Variants in OPCML observed in about 807,000 individuals in gnomAD.
OPCML encodes the protein opioid-binding protein/cell adhesion molecule.
OPCML carries 13 observed loss-of-function variants against 37.8 expected under a neutral mutation model. The observed-to-expected ratio is 0.34, with a 90% CI of 0.22 to 0.55. OPCML has a LOEUF of 0.55. OPCML is among the 20% of genes least tolerant of loss of function. The probability of loss-of-function intolerance (pLI) is 0.91; values close to 1 mark genes in which losing one functional copy is unlikely to be tolerated. For synonymous variants in OPCML, 176 were observed against 168.8 expected (o/e 1.04, Z -0.33); for missense variants, 341 against 435.6 (o/e 0.78, Z 1.93).
chr11:132,961,168 G>T (rs772314746), intron 1 of OPCML, among the ~76,000 whole-genome samples: 7 of 152,180 alleles, frequency 4.6e-5, no homozygotes, highest in Non-Finnish European at 2.9e-5. Context: ...AGTTTTCCTG[G>T]AGATATAGAC....
rs1248954507 is a variant in OPCML, at chr11:133,522,885, G to A, written c.61+9379C>T. ...AATAAATTACTGCAATTTAAAAAATGTTTGTAGGGAGCCAGCCATAGATGC... is the reference window on the plus strand; with the variant it reads ...AATAAATTACTGCAATTTAAAAAATATTTGTAGGGAGCCAGCCATAGATGC... On this transcript the variant is annotated intron_variant, in intron 1 of 7. Transcript: ENST00000524381. 6.6e-5 allele frequency among the ~76,000 whole-genome samples: 10 copies of A among 152,300 alleles called. No homozygotes were observed. The East Asian group carries it at 1.9e-3, about 29-fold the overall frequency.
intron 2 of OPCML, among the ~76,000 whole-genome samples, chr11:132,692,377 G>C (rs1943438825): frequency 6.6e-6 from 1 of 152,174 alleles, no homozygotes; most frequent in Non-Finnish European, 1.5e-5. Flanking sequence ...TGCATCTATA[G>C]GATCAGGCAT....
chr11:132,908,079 C>T (rs1441790316), intron 2 of OPCML, among the ~76,000 whole-genome samples: 1 of 152,124 alleles, frequency 6.6e-6, no homozygotes, highest in African/African-American at 2.4e-5. Flanking sequence ...TGATGGTCAC[C>T]ATGACCAATA....
chr11:133,498,090 C>T (rs1310781274), intron 1 of OPCML, among the ~76,000 whole-genome samples: 1 of 152,232 alleles, frequency 6.6e-6, no homozygotes, highest in Middle Eastern at 3.2e-3. Context: ...ATCTCTGCAC[C>T]ACCGGAGAGG....
chr11:133,286,831 G>A (rs1427149956), intron 1 of OPCML, among the ~76,000 whole-genome samples: 2 of 152,172 alleles, frequency 1.3e-5, no homozygotes, highest in Admixed American at 6.5e-5. Flanking sequence ...AATAATAATT[G>A]CATACATGAA....
chr11:132,949,845 TA>T (rs1274687590), intron 1 of OPCML, among the ~76,000 whole-genome samples: 1 of 152,064 alleles, frequency 6.6e-6, no homozygotes, highest in Non-Finnish European at 1.5e-5. Context: ...AAAAAGACCA[TA>T]AAAAGTAAAC....
intron 2 of OPCML, among the ~76,000 whole-genome samples, chr11:132,778,966 T>C (rs1027135405): frequency 2.1e-5 from 3 of 142,986 alleles, no homozygotes; most frequent in Non-Finnish European, 3.1e-5. Flanking sequence ...TATTTCTTTT[T>C]TTTTTTTTTT....
Position 133,140,895 on chromosome 11 carries a change from A to C in OPCML, c.62-197885T>G, listed in dbSNP as rs866013514. ...ACGAAGAAGACGACGACGACGACGA[A>C]GACGACGACGACGAAGAAGAAGAAG... On this transcript the variant is annotated intron_variant, in intron 1 of 7. Transcript: ENST00000524381. Among the ~76,000 whole-genome samples, 7 of 23,428 alleles carry C rather than the reference A, an allele frequency of 3.0e-4. 3 individuals are homozygous for C. Among genetic ancestry groups the C allele is most frequent in the East Asian group, 0.015 (1 of 68 alleles). 15.4% of individuals were successfully genotyped at this position (23,428 alleles called of 152,430 possible).
intron 1 of OPCML, among the ~76,000 whole-genome samples, chr11:133,323,017 A>G (rs1943370200): frequency 6.6e-6 from 1 of 152,246 alleles, no homozygotes; most frequent in Non-Finnish European, 1.5e-5. Flanking sequence ...CTGTTAATAT[A>G]TCTAAGTGTA....
chr11:133,075,800 G>A (rs1948612579), intron 1 of OPCML, among the ~76,000 whole-genome samples: 2 of 152,206 alleles, frequency 1.3e-5, no homozygotes, highest in Non-Finnish European at 2.9e-5. Flanking sequence ...AGGGGACCTT[G>A]GTCCTGCCAA....
rs570670345 is a variant in OPCML, at chr11:133,375,299, C to T, written c.61+156965G>A. ...AGTATATACCACTCCACCACCTCCA[C>T]GCTGGTCTGTAAACTGCCAAAGGAC... On this transcript the variant is annotated intron_variant, in intron 1 of 7. Transcript: ENST00000524381. Among the ~76,000 whole-genome samples the T allele has an allele frequency of 8.5e-5, 13 of 152,334 alleles. No individual in the cohort carries two copies. The East Asian group carries it at 2.5e-3, about 29-fold the overall frequency.
intron 2 of OPCML, among the ~76,000 whole-genome samples, chr11:132,730,436 G>T (rs776857938): frequency 6.6e-6 from 1 of 152,080 alleles, no homozygotes; most frequent in Non-Finnish European, 1.5e-5. Context: ...GAAGAATAGC[G>T]GGTGTGGGAA....
intron 1 of OPCML, among the ~76,000 whole-genome samples, chr11:133,156,478 T>G (rs1397150896): frequency 1.3e-5 from 2 of 152,234 alleles, no homozygotes; most frequent in Non-Finnish European, 2.9e-5. Flanking sequence ...ACCAGCCAGC[T>G]GAGCACATGC....
At chr11:132,602,999 G>T (rs186967141) in intron 3 of OPCML, among the ~76,000 whole-genome samples, 2 of 152,332 alleles carry the variant, frequency 1.3e-5, no homozygotes, top group East Asian at 3.9e-4. Flanking sequence ...CTTGAGATCA[G>T]TGTCCTCTCC....
intron 2 of OPCML, among the ~76,000 whole-genome samples, chr11:132,831,838 G>A (rs1940708995): frequency 6.6e-6 from 1 of 152,038 alleles, no homozygotes; most frequent in Admixed American, 6.6e-5. Context: ...GTCATTCAAG[G>A]AGTTTTCTTT....
chr11:132,856,600 C>G (rs1942067522), intron 2 of OPCML, among the ~76,000 whole-genome samples: 1 of 152,136 alleles, frequency 6.6e-6, no homozygotes, highest in South Asian at 2.1e-4. Flanking sequence ...GTGGACAAGC[C>G]GACTCAAGCA....
chr11:132,672,147 C>T (rs896615913), intron 2 of OPCML, among the ~76,000 whole-genome samples: 5 of 152,122 alleles, frequency 3.3e-5, no homozygotes, highest in African/African-American at 4.8e-5. Context: ...CCTGCTCACA[C>T]CTAGACTAGC....
intron 2 of OPCML, among the ~76,000 whole-genome samples, chr11:132,712,925 C>G (rs1944325580): frequency 6.6e-6 from 1 of 152,268 alleles, no homozygotes; most frequent in South Asian, 2.1e-4. Context: ...CTCTTCATCA[C>G]TGGAGCAGGC....
intron 7 of OPCML, among the ~76,000 whole-genome samples, chr11:132,433,870 A>T (rs1268542925): frequency 6.6e-6 from 1 of 152,190 alleles, no homozygotes; most frequent in Non-Finnish European, 1.5e-5. Flanking sequence ...TGCATCTTGG[A>T]CTTCTAGCCT....
Sources: gnomAD v4.1 joint callset for allele counts (sites outside exome capture counted in the v4.1 genomes callset) on GRCh38, gnomAD v4.1.1 for gene constraint, MANE v1.5 for transcripts, NCBI Gene and HGNC (gene_info 2026-07-23, HGNC 2026-07-21) for gene names.